The following TRANK1 variants were observed in gnomAD, a reference collection of about 807,000 sequenced individuals.
TRANK1 encodes tetratricopeptide repeat and ankyrin repeat containing 1.
In TRANK1, 198 loss-of-function variants were observed where a neutral mutation model predicts 266.0. That is an observed-to-expected ratio of 0.74 (90% CI 0.66 to 0.84). TRANK1 has a LOEUF of 0.84. Ranked by LOEUF, TRANK1 falls within the 40% of genes least tolerant of loss-of-function variation. The probability of loss-of-function intolerance (pLI) is 0.00; values close to 1 mark genes in which losing one functional copy is unlikely to be tolerated. For synonymous variants in TRANK1, 1,396 were observed against 1,384.1 expected, an observed-to-expected ratio of 1.01 and a Z score of -0.19; for missense variants, 3,326 against 3,634.6, an observed-to-expected ratio of 0.92 and a Z score of 2.18.
At chr3:36,851,509 A>G (rs4375995) in intron 15 of TRANK1, 203,072 of 1,225,358 alleles carry the variant, frequency 0.17, 20,287 homozygotes, top group East Asian at 0.53. Flanking sequence ...AGGGGGAACT[A>G]GCCCATGACA....
chr3:36,888,603 T>G (rs1404699415), intron 8 of TRANK1, among the ~76,000 whole-genome samples: 1 of 152,166 alleles, frequency 6.6e-6, no homozygotes, highest in Non-Finnish European at 1.5e-5. Context: ...CTCGCTGGGC[T>G]CCTCCTGAGA....
At chr3:36,875,575 A>T (rs1441133272) in intron 8 of TRANK1, among the ~76,000 whole-genome samples, 1 of 152,200 alleles carries the variant, frequency 6.6e-6, no homozygotes, top group East Asian at 1.9e-4. Context: ...CACTCTACTG[A>T]CGTATAATAA....
At chr3:36,944,715 C>A (rs2080548089) in intron 1 of TRANK1, 72 bp downstream of exon 1, 4 of 1,485,790 alleles carry the variant, frequency 2.7e-6, no homozygotes, top group Middle Eastern at 2.2e-4. Context: ...CGCGCGCGGC[C>A]GCCTCCCGCC....
chr3:36,917,292 A>G (rs1003685576), intron 1 of TRANK1, among the ~76,000 whole-genome samples: 3 of 152,206 alleles, frequency 2.0e-5, no homozygotes, highest in Admixed American at 2.0e-4. Context: ...GAATAGATAA[A>G]CTTAAAACTG....
chr3:36,860,789 A>C, intron 11 of TRANK1, 117 bp downstream of exon 11: 1 of 1,399,036 alleles, frequency 7.1e-7, no homozygotes, highest in Non-Finnish European at 9.5e-7. Flanking sequence ...CAGGGTAGGC[A>C]ATGAGGGTGA....
rs1159672472 is a variant in TRANK1, at chr3:36,895,609, C to A, written c.552+31G>T. 10 of 1,334,192 alleles carry A rather than the reference C, an allele frequency of 7.5e-6. No individual in the cohort carries two copies. The Admixed American group carries it at 1.1e-4, about 15-fold the overall frequency. The allele number at this position is 1,334,192 out of a possible 1,614,324, so 82.6% of individuals were successfully genotyped here. ...GGAATCATTTCATCAAGAATGTACT[C>A]TCCCCGTGAGAGCCATCTCCTTTTA... is the stretch of plus-strand genomic sequence containing the variant. On this transcript the variant is annotated intron_variant, in intron 5 of 23. Coordinates refer to ENST00000645898, the MANE Select transcript of TRANK1 (RefSeq NM_001329998.2).
chr3:36,922,372 G>A (rs777151922), intron 1 of TRANK1, among the ~76,000 whole-genome samples: 3 of 152,140 alleles, frequency 2.0e-5, no homozygotes, highest in Admixed American at 6.5e-5. Flanking sequence ...TTGGGAGGCC[G>A]AGGTGGGTGG....
chr3:36,891,494 A>G (rs189432130), intron 7 of TRANK1, among the ~76,000 whole-genome samples: 16 of 152,332 alleles, frequency 1.1e-4, no homozygotes, highest in Admixed American at 7.2e-4. Flanking sequence ...TACAAGAGGT[A>G]GACTAGACAA....
In TRANK1 at chr3:36,850,354, G is replaced by A. The variant is rs568680637; in HGVS notation, c.4887+1365C>T. The A allele has an allele frequency of 5.3e-5, 52 of 985,420 alleles. 1 individual carries two copies. The highest frequency in any genetic ancestry group is 2.6e-4 in the African/African-American group (15 of 57,360). The allele number at this position is 985,420 out of a possible 1,614,324, so 61.0% of individuals were successfully genotyped here. On this transcript the variant is annotated intron_variant, in intron 15 of 23. Coordinates refer to ENST00000645898, the MANE Select transcript of TRANK1 (RefSeq NM_001329998.2). ...TGTGGAAGGTTCTGGAATTCAATTC[G>A]CATGCGAGGCTTTAAAAGGAAGGAA...
At chr3:36,925,537 A>T (rs1290003182) in intron 1 of TRANK1, among the ~76,000 whole-genome samples, 1 of 152,188 alleles carries the variant, frequency 6.6e-6, no homozygotes, top group Non-Finnish European at 1.5e-5. Context: ...AAGAACCTAG[A>T]ATTTTTTTAA....
intron 1 of TRANK1, among the ~76,000 whole-genome samples, chr3:36,910,302 T>C (rs1178658425): frequency 1.3e-5 from 2 of 152,154 alleles, no homozygotes; most frequent in Admixed American, 1.3e-4. Context: ...ACAGAGGAAA[T>C]AGAATACATC....
At position 36,861,081 on chromosome 3, in the gene TRANK1, T is replaced by C. The variant is rs2079136187; in HGVS notation, c.1320A>G (p.Arg440=). 6.5e-7 allele frequency: 1 copy of C among 1,537,538 alleles called. No homozygotes were observed. The highest frequency in any genetic ancestry group is 1.4e-5 in the African/African-American group (1 of 73,032). ...TCAGCAGCAGAAGCACCTCAGGCCA[T>C]CTCTGTTTTTCCAATAAGAATTTGA... The part of the protein sequence containing the change: ...TVFKFLLEKQ[R]WPEVLLLLTR... Residue 440 remains arginine (R), a synonymous_variant, in exon 11 of 24, where the codon AGA becomes AGG. Coordinates refer to ENST00000645898, the MANE Select transcript of TRANK1 (RefSeq NM_001329998.2).
chr3:36,906,213 C>T (rs921609461), intron 2 of TRANK1, among the ~76,000 whole-genome samples: 2 of 152,198 alleles, frequency 1.3e-5, no homozygotes, highest in African/African-American at 4.8e-5. Flanking sequence ...CTCAACTCAA[C>T]CTCAACTAGA....
intron 2 of TRANK1, among the ~76,000 whole-genome samples, chr3:36,904,035 T>G (rs1222211146): frequency 9.4e-4 from 143 of 152,012 alleles, no homozygotes; most frequent in Non-Finnish European, 2.7e-4. Context: ...CTCAGCTCAC[T>G]GCAACCTCCA....
At chr3:36,876,671 A>G (rs1215260164) in intron 8 of TRANK1, among the ~76,000 whole-genome samples, 2 of 152,234 alleles carry the variant, frequency 1.3e-5, no homozygotes, top group East Asian at 3.8e-4. Flanking sequence ...AAATGAACAT[A>G]TCAAACTTGA....
chr3:36,874,366 T>C, intron 8 of TRANK1, 70 bp from the exon 9 acceptor site: 1 of 1,478,610 alleles, frequency 6.8e-7, no homozygotes, highest in Non-Finnish European at 9.0e-7. Context: ...ATGAGTGCTC[T>C]TCTTCTCAGT....
rs575981987 is a variant in TRANK1, at chr3:36,832,474, T to A, written c.7109A>T (p.Asp2370Val). ...RELKALESEK[D>V]ERGRGRGSRI... is the part of the protein sequence containing the mutation. ...GCTGCCTCTCCCCCTGCCCCTTTCA[T>A]CCTTTTCAGACTCTAGAGCTTTGAG... The change falls in exon 22 of 24, where the codon GAT becomes GTT. Residue 2370 changes from aspartate to valine, a missense_variant. Asp to Val is a radical substitution (Grantham distance 152). Transcript: ENST00000645898. 1.9e-6 allele frequency: 3 copies of A among 1,613,828 alleles called. No individual in the cohort carries two copies. Among genetic ancestry groups the A allele is most frequent in the Non-Finnish European group, 2.5e-6 (3 of 1,179,896 alleles).
chr3:36,879,396 TA>T (rs1179571131), intron 8 of TRANK1, among the ~76,000 whole-genome samples: 1 of 150,996 alleles, frequency 6.6e-6, no homozygotes, highest in Non-Finnish European at 1.5e-5. Context: ...TTGTTCAAAG[TA>T]ACCAGTTCTA....
At chr3:36,938,878 T>C (rs2080459275) in intron 1 of TRANK1, among the ~76,000 whole-genome samples, 1 of 151,728 alleles carries the variant, frequency 6.6e-6, no homozygotes, top group Non-Finnish European at 1.5e-5. Context: ...GAGAATCACT[T>C]GAGCCCAGGA....
Sources: allele counts gnomAD v4.1 joint callset (sites outside exome capture counted in the v4.1 genomes callset), GRCh38; gene constraint gnomAD v4.1.1; transcripts MANE v1.5; gene names NCBI Gene and HGNC (gene_info 2026-07-23, HGNC 2026-07-21).